YLPM1: variants seen among roughly 807,000 people sequenced by gnomAD.
The protein encoded by YLPM1 is YLP motif containing 1.
YLPM1 carries 99 observed loss-of-function variants against 230.0 expected under a neutral mutation model. That is an observed-to-expected ratio of 0.43 (90% CI 0.37 to 0.51). The LOEUF (loss-of-function observed/expected upper bound fraction) is 0.51, where lower values mean the gene tolerates loss of function less well. YLPM1 is among the 20% of genes least tolerant of loss of function. The pLI, the probability that YLPM1 is intolerant of heterozygous loss-of-function variation, is 0.00. For synonymous variants in YLPM1, 984 were observed against 942.5 expected (o/e 1.04, Z -0.81); for missense variants, 2,592 against 2,707.7 (o/e 0.96, Z 0.95).
chr14:74,768,151 A>G (rs1327334450), intron 1 of YLPM1, among the ~76,000 whole-genome samples: 1 of 152,222 alleles, frequency 6.6e-6, no homozygotes, highest in African/African-American at 2.4e-5. Context: ...TTGATTGGAA[A>G]TACAGTTGGT....
Position 74,797,697 on chromosome 14 carries a change from C to G in YLPM1, c.2400C>G (p.His800Gln). Residue 800 changes from histidine (H) to glutamine (Q), a missense_variant, in exon 5 of 21, where the codon CAC (histidine) becomes CAG (glutamine). This residue lies in a region of YLPM1 where 1,862 missense variants were observed against 1,819.8 expected (regional missense o/e 1.02). Coordinates refer to ENST00000325680, the MANE Select transcript of YLPM1 (RefSeq NM_019589.3). ...PDGPRPRYEG[H>Q]PAEGTKSKWG... Reference sequence around the variant, plus strand: ...GGCCAAGACCCAGATATGAAGGTCACCCAGCAGAGGGCACTAAAAGCAAGT... The same window carrying G: ...GGCCAAGACCCAGATATGAAGGTCAGCCAGCAGAGGGCACTAAAAGCAAGT... 6.2e-7 allele frequency: 1 copy of G among 1,613,038 alleles called. No individual in the cohort carries two copies. The highest frequency in any genetic ancestry group is 1.3e-5 in the African/African-American group (1 of 74,948).
At chr14:74,777,376 G>A (rs1594811530) in intron 1 of YLPM1, among the ~76,000 whole-genome samples, 1 of 151,870 alleles carries the variant, frequency 6.6e-6, no homozygotes, top group East Asian at 1.9e-4. Flanking sequence ...GACCAGCCTG[G>A]CCAACATGGT....
At chr14:74,778,119 G>A (rs2091059750) in intron 1 of YLPM1, among the ~76,000 whole-genome samples, 1 of 152,206 alleles carries the variant, frequency 6.6e-6, no homozygotes, top group African/African-American at 2.4e-5. Context: ...TTAAAAATAA[G>A]TAGTTGTGAA....
intron 1 of YLPM1, among the ~76,000 whole-genome samples, chr14:74,777,103 A>G (rs2091048700): frequency 1.3e-5 from 2 of 151,986 alleles, no homozygotes; most frequent in African/African-American, 4.8e-5. Context: ...ATTTGCAAAT[A>G]CAGAATCCAA....
chr14:74,810,540 G>T (rs1263915135), intron 9 of YLPM1, 120 bp downstream of exon 9: 1 of 1,067,990 alleles, frequency 9.4e-7, no homozygotes, highest in Non-Finnish European at 1.3e-6. Flanking sequence ...TAATTTGGAG[G>T]GGGAAGAACA....
In YLPM1 at chr14:74,769,259, C is replaced by CTTTTTTTTT. The variant is rs34023289; in HGVS notation, c.873+4918_873+4926dup. On this transcript the variant is annotated intron_variant, in intron 1 of 20. Transcript: ENST00000325680. The stretch of plus-strand genomic sequence containing the variant: ...CCGGCTAATTTTTTTGTATTTTTAT[C>CTTTTTTTTT]TTTTTTTTTTTTTTTTTTTTTTTTT... 2.5e-3 allele frequency among the ~76,000 whole-genome samples: 97 copies of CTTTTTTTTT among 38,412 alleles called. 8 individuals are homozygous for CTTTTTTTTT. Among genetic ancestry groups the CTTTTTTTTT allele is most frequent in the African/African-American group, 6.0e-3 (81 of 13,606 alleles). The allele number at this position is 38,412 out of a possible 152,430, so 25.2% of individuals were successfully genotyped here.
At position 74,774,959 on chromosome 14, in the gene YLPM1, C is replaced by T. The variant is rs1026515460; in HGVS notation, c.874-3488C>T. Among the ~76,000 whole-genome samples, 7 of 152,276 alleles carry T rather than the reference C, an allele frequency of 4.6e-5. No individual in the cohort carries two copies. The East Asian group carries it at 1.2e-3, about 25-fold the overall frequency. The stretch of plus-strand genomic sequence containing the variant: ...GAATATTTTGAGCCTGGGAAAAGAT[C>T]AAAATTCATGGTATGGTTTCCAGTG... On this transcript the variant is annotated intron_variant, in intron 1 of 20. Transcript: ENST00000325680.
At chr14:74,781,193 C>A in intron 3 of YLPM1, 141 bp from the exon 4 acceptor site, 1 of 947,706 alleles carries the variant, frequency 1.1e-6, no homozygotes, top group Non-Finnish European at 1.5e-6. Context: ...AAGAACTTAA[C>A]GAACTTATTC....
intron 6 of YLPM1, among the ~76,000 whole-genome samples, chr14:74,803,240 G>GA (rs1271565830): frequency 6.6e-6 from 1 of 152,196 alleles, no homozygotes. Context: ...CAGGCAGTAT[G>GA]AAAAGGGGTG....
Position 74,797,608 on chromosome 14 carries a change from T to A in YLPM1, c.2311T>A (p.Leu771Ile), listed in dbSNP as rs1403665262. 2.7e-6 allele frequency: 4 copies of A among 1,507,592 alleles called. No individual in the cohort carries two copies. The African/African-American group carries it at 4.2e-5, about 16-fold the overall frequency. The allele number at this position is 1,507,592 out of a possible 1,614,324, so 93.4% of individuals were successfully genotyped here. A position where few individuals can be genotyped will look rare whatever the true frequency, so the allele number is the denominator to read the frequency against. Residue 771 changes from leucine (L) to isoleucine (I), a missense_variant, in exon 5 of 21, where the codon TTA becomes ATA. Physicochemically the swap from Leu to Ile is conservative, Grantham distance 5. Transcript: ENST00000325680. ...TGATGGTCCTCGAAGATTTGAGGAT[T>A]TAGGGTCAAGGTGTGAAGGACCGAG... ...RFDGPRRFEDLGSRCEGPRPK... is the reference protein window; with the variant it reads ...RFDGPRRFEDIGSRCEGPRPK...
At chr14:74,807,844 G>A (rs535630574) in intron 6 of YLPM1, among the ~76,000 whole-genome samples, 1 of 152,278 alleles carries the variant, frequency 6.6e-6, no homozygotes, top group East Asian at 1.9e-4. Context: ...AAAATTTACT[G>A]TTTTTGTGGA....
intron 1 of YLPM1, among the ~76,000 whole-genome samples, chr14:74,771,764 G>C (rs965935983): frequency 9.2e-5 from 14 of 152,172 alleles, no homozygotes; most frequent in Admixed American, 7.9e-4. Context: ...AATGGGGATG[G>C]TGAGTACAGA....
rs1769726592 is a variant in YLPM1 at position 74,809,401 on chromosome 14, C to A, written c.4543C>A (p.Pro1515Thr). The A allele has an allele frequency of 6.2e-7, 1 of 1,608,864 alleles. No homozygotes were observed. The highest frequency in any genetic ancestry group is 8.5e-7 in the Non-Finnish European group (1 of 1,177,414). ...MYPPPGSYRP[P>T]PPMGKPPGSI... ...CTAGCCTCCAGGGTCGTATAGACCT[C>A]CCCCTCCTATGGGCAAACCACCAGG... is the stretch of plus-strand genomic sequence containing the variant. The change falls in exon 7 of 21, where the codon CCC becomes ACC. Residue 1515 changes from proline (P) to threonine (T), a missense_variant. Physicochemically the swap from Pro to Thr is conservative, Grantham distance 38 (BLOSUM62 -1). Coordinates refer to ENST00000325680, the MANE Select transcript of YLPM1 (RefSeq NM_019589.3).
At position 74,798,475 on chromosome 14, in the gene YLPM1, A is replaced by G; in HGVS notation, c.3178A>G (p.Lys1060Glu). The change falls in exon 5 of 21, where the codon AAG becomes GAG. Residue 1060 changes from lysine to glutamate, a missense_variant. By Grantham distance (56) the Lys-to-Glu change is moderately conservative (BLOSUM62 1). Coordinates refer to ENST00000325680, the MANE Select transcript of YLPM1 (RefSeq NM_019589.3). ...GLVKQEDFRD[K>E]MMGRREDSRE... ...GGTCAAGCAAGAAGACTTTCGGGAT[A>G]AGATGATGGGTAGAAGAGAAGATAG... The G allele has an allele frequency of 6.2e-7, 1 of 1,613,972 alleles. No homozygotes were observed. The highest frequency in any genetic ancestry group is 1.1e-5 in the South Asian group (1 of 91,076).
intron 11 of YLPM1, among the ~76,000 whole-genome samples, chr14:74,815,537 G>A (rs1284997182): frequency 3.3e-5 from 5 of 151,108 alleles, no homozygotes; most frequent in African/African-American, 7.3e-5. Context: ...ACTCCAGCCT[G>A]GGCAACAGAG....
At position 74,782,024 on chromosome 14, in the gene YLPM1, C is replaced by A; in HGVS notation, c.1981C>A (p.Gln661Lys). Residue 661 changes from glutamine (Q) to lysine (K), a missense_variant, in exon 4 of 21, where the codon CAA becomes AAA. Transcript: ENST00000325680. ...VPPASSSQSS[Q>K]VPEKPRPALL... ...ACCAGCCTCCAGTTCACAGAGCTCG[C>A]AAGTTCCAGAGAAACCTAGACCAGC... 8 of 1,613,998 alleles carry A rather than the reference C, an allele frequency of 5.0e-6. No individual in the cohort carries two copies. The highest frequency in any genetic ancestry group is 6.8e-6 in the Non-Finnish European group (8 of 1,179,874).
intron 18 of YLPM1, among the ~76,000 whole-genome samples, chr14:74,826,297 T>G (rs1594846361): frequency 6.6e-6 from 1 of 152,210 alleles, no homozygotes; most frequent in African/African-American, 2.4e-5. Context: ...GAGAAGATTC[T>G]TCTCTAAAAC....
At chr14:74,771,844 A>T (rs752924764) in intron 1 of YLPM1, among the ~76,000 whole-genome samples, 1 of 152,200 alleles carries the variant, frequency 6.6e-6, no homozygotes, top group African/African-American at 2.4e-5. Flanking sequence ...TAGATGAAGT[A>T]AATGAGCATT....
chr14:74,821,362 A>G, intron 17 of YLPM1: 1 of 515,276 alleles, frequency 1.9e-6, no homozygotes, highest in South Asian at 5.5e-5. Context: ...GTGCTAAGAA[A>G]CTTACCCTTG....
Sources: allele counts gnomAD v4.1 joint callset (sites outside exome capture counted in the v4.1 genomes callset), GRCh38; gene constraint gnomAD v4.1.1; regional missense constraint gnomAD v4.1.1; transcripts MANE v1.5; gene names NCBI Gene and HGNC (gene_info 2026-07-23, HGNC 2026-07-21).